PCNX2: variants seen among roughly 807,000 people sequenced by gnomAD.
PCNX2 encodes pecanex-like protein 2.
A neutral mutation model predicts 223.8 loss-of-function variants in PCNX2; 168 were observed. The ratio of observed to expected loss-of-function variants is 0.75; its 90% CI spans 0.66 to 0.85. PCNX2 has a LOEUF of 0.85. PCNX2 is among the 40% of genes least tolerant of loss of function. The probability of loss-of-function intolerance (pLI) is 0.00; values close to 1 mark genes in which losing one functional copy is unlikely to be tolerated. For synonymous variants in PCNX2, 1,006 were observed against 1,052.6 expected, an observed-to-expected ratio of 0.96 and a Z score of 0.86; for missense variants, 2,507 against 2,675.5, an observed-to-expected ratio of 0.94 and a Z score of 1.39.
intron 21 of PCNX2, among the ~76,000 whole-genome samples, chr1:233,100,947 TA>T (rs1187822081): frequency 6.6e-6 from 1 of 152,204 alleles, no homozygotes; most frequent in African/African-American, 2.4e-5. Flanking sequence ...AATTTGGAAT[TA>T]CCAATATTTG....
intron 28 of PCNX2, among the ~76,000 whole-genome samples, chr1:233,006,518 C>A (rs1345939015): frequency 6.6e-6 from 1 of 152,178 alleles, no homozygotes; most frequent in Non-Finnish European, 1.5e-5. Flanking sequence ...GTCTACAGTG[C>A]TGCTGCTGAG....
At chr1:233,187,670 A>C (rs1015136154) in intron 15 of PCNX2, among the ~76,000 whole-genome samples, 1 of 152,118 alleles carries the variant, frequency 6.6e-6, no homozygotes, top group Non-Finnish European at 1.5e-5. Flanking sequence ...ATCAAGCTTG[A>C]GGGTCATAAT....
intron 33 of PCNX2, chr1:232,985,638 A>T (rs1669446059): frequency 2.8e-6 from 1 of 353,620 alleles, no homozygotes; most frequent in Admixed American, 4.3e-5. Flanking sequence ...ACCTAAAAGC[A>T]GTGGGCCATC....
intron 1 of PCNX2, chr1:233,290,936 G>T: frequency 1.0e-6 from 1 of 985,374 alleles, no homozygotes; most frequent in Non-Finnish European, 1.2e-6. Context: ...GCCCGGCATG[G>T]GGTCTTGAAG....
the PCNX2 span, among the ~76,000 whole-genome samples, chr1:233,319,169 C>G: frequency 6.6e-6 from 1 of 152,094 alleles, no homozygotes; most frequent in Non-Finnish European, 1.5e-5. Flanking sequence ...AAGGACAACT[C>G]TGGATTAATG....
the PCNX2 span, among the ~76,000 whole-genome samples, chr1:233,321,656 TTTCTCA>T: frequency 3.3e-5 from 5 of 152,216 alleles, no homozygotes; most frequent in Non-Finnish European, 7.3e-5. Context: ...TTTATATGCA[TTTCTCA>T]TTTTGTCATA....
At chr1:233,208,299 T>A (rs540856288) in intron 13 of PCNX2, among the ~76,000 whole-genome samples, 2 of 152,212 alleles carry the variant, frequency 1.3e-5, no homozygotes, top group Admixed American at 1.3e-4. Context: ...GTGCTGCAAC[T>A]TCTTGGTCAT....
chr1:233,142,672 C>A (rs1418624603), intron 19 of PCNX2, among the ~76,000 whole-genome samples: 3 of 152,202 alleles, frequency 2.0e-5, no homozygotes, highest in African/African-American at 7.2e-5. Context: ...CTGGGGACAC[C>A]TCTGCCCCTG....
chr1:233,047,262 C>T, intron 25 of PCNX2: 2 of 628,796 alleles, frequency 3.2e-6, no homozygotes, highest in Non-Finnish European at 4.0e-6. Context: ...GGTTATGCCT[C>T]AAGATATAAT....
In PCNX2 at chr1:233,231,184, G is replaced by A. The variant is rs182921447; in HGVS notation, c.2359-3813C>T. On this transcript the variant is annotated intron_variant, in intron 9 of 33. Transcript: ENST00000258229. ...GGCTCTTTCTACAATCATGCTTAAG[G>A]GGGCCCAGGTGAATCAACACATCAA... is the stretch of plus-strand genomic sequence containing the variant. Among the ~76,000 whole-genome samples the A allele has an allele frequency of 1.4e-4, 21 of 152,096 alleles. No homozygotes were observed. In the East Asian group the frequency reaches 4.1e-3, roughly 29 times the overall value.
chr1:233,192,714 A>T (rs1680489799), intron 15 of PCNX2, among the ~76,000 whole-genome samples: 1 of 152,106 alleles, frequency 6.6e-6, no homozygotes, highest in Non-Finnish European at 1.5e-5. Context: ...GCCAAATTTC[A>T]AACTGCAATT....
Position 233,253,647 on chromosome 1 carries a change from G to A in PCNX2, c.1835-859C>T, listed in dbSNP as rs1012526209. On this transcript the variant is annotated intron_variant, in intron 5 of 33. Coordinates refer to ENST00000258229, the MANE Select transcript of PCNX2 (RefSeq NM_014801.4). This position sits in a 1 kb window ranked among gnomAD's most constrained non-coding sequence, Gnocchi z 4.2. ...AGGCATGAGCCACCACACCCGGCCTGCTGATTTTGAACAATATGCTTAGCA... is the reference window on the plus strand; with the variant it reads ...AGGCATGAGCCACCACACCCGGCCTACTGATTTTGAACAATATGCTTAGCA... 1.3e-5 allele frequency among the ~76,000 whole-genome samples: 2 copies of A among 152,180 alleles called. No homozygotes were observed. The highest frequency in any genetic ancestry group is 2.1e-4 in the South Asian group (1 of 4,828).
At chr1:233,016,692 C>T (rs4649423) in intron 27 of PCNX2, 182,820 of 828,002 alleles carry the variant, frequency 0.22, 21,701 homozygotes, top group East Asian at 0.49. Flanking sequence ...TGGCCCTGAG[C>T]ACTGCATAAA....
intron 15 of PCNX2, among the ~76,000 whole-genome samples, chr1:233,189,158 A>T (rs1474089827): frequency 6.6e-6 from 1 of 152,210 alleles, no homozygotes; most frequent in Non-Finnish European, 1.5e-5. Flanking sequence ...TTTACAATGG[A>T]AAAAACAATG....
intron 1 of PCNX2, among the ~76,000 whole-genome samples, chr1:233,280,945 A>AT (rs1242785134): frequency 6.7e-6 from 1 of 150,242 alleles, no homozygotes; most frequent in Admixed American, 6.7e-5. Flanking sequence ...AAGCACTTAA[A>AT]TGTTCACATC....
chr1:233,028,949 C>G (rs1671175948), intron 25 of PCNX2, among the ~76,000 whole-genome samples: 1 of 151,558 alleles, frequency 6.6e-6, no homozygotes, highest in Non-Finnish European at 1.5e-5. Context: ...AGCCATTCTC[C>G]TGCCTCAGCC....
chr1:233,233,423 CCTGTGTGTGTGT>C (rs1447597176), intron 9 of PCNX2, among the ~76,000 whole-genome samples: 1 of 115,490 alleles, frequency 8.7e-6, no homozygotes, highest in African/African-American at 3.5e-5. Context: ...CTCCTCTTCT[CCTGTGTGTGTGT>C]GTGTGTGTGT....
At chr1:233,325,568 C>T in the PCNX2 span, among the ~76,000 whole-genome samples, 1 of 151,352 alleles carries the variant, frequency 6.6e-6, no homozygotes. Context: ...CCCAGCTACT[C>T]GGGAGGCTGA....
chr1:233,292,922 A>G (rs1360904367), intron 1 of PCNX2, among the ~76,000 whole-genome samples: 4 of 152,228 alleles, frequency 2.6e-5, no homozygotes. Context: ...CAATTTGGGC[A>G]TATCTGTTTT....
Sources: gnomAD v4.1 joint callset for allele counts (sites outside exome capture counted in the v4.1 genomes callset) on GRCh38, gnomAD v4.1.1 for gene constraint, Gnocchi (gnomAD v3.1) non-coding constraint, MANE v1.5 for transcripts, NCBI Gene and HGNC (gene_info 2026-07-23, HGNC 2026-07-21) for gene names.